The following ZNF592 variants were observed in gnomAD, a reference collection of about 807,000 sequenced individuals.
The protein encoded by ZNF592 is zinc finger protein 592.
A neutral mutation model predicts 80.3 loss-of-function variants in ZNF592; 11 were observed. The ratio of observed to expected loss-of-function variants is 0.14; its 90% CI spans 0.09 to 0.23. The LOEUF is 0.23. Ranked by LOEUF, ZNF592 falls within the 10% of genes least tolerant of loss-of-function variation. The pLI is 1.00. For missense variants in ZNF592, 1,420 were observed against 1,633.9 expected, an observed-to-expected ratio of 0.87 and a Z score of 2.26; for synonymous variants, 646 against 640.3, an observed-to-expected ratio of 1.01 and a Z score of -0.13.
chr15:84,753,176 T>C (rs1899062488), intron 1 of ZNF592: 1 of 152,200 alleles, frequency 6.6e-6, no homozygotes, highest in Non-Finnish European at 1.5e-5. Context: ...GGACGAGTAA[T>C]AGAAATAAAA....
intron 1 of ZNF592, among the ~76,000 whole-genome samples, chr15:84,761,594 C>T (rs1899352738): frequency 6.6e-6 from 1 of 152,110 alleles, no homozygotes; most frequent in South Asian, 2.1e-4. Context: ...AAGGGTCATC[C>T]TCAGGTTGCT....
chr15:84,784,916 A>G lies in ZNF592; in HGVS notation c.2220+21A>G, dbSNP rs1488994901. On this transcript the variant is annotated intron_variant, in intron 4 of 10. Transcript: ENST00000560079. The surrounding 1 kb of genome is among the most constrained non-coding windows in gnomAD (Gnocchi z 5.8). ...GGCTGGTAAGCAGACCCTCACTGTT[A>G]CGGGTATCGGGCCCCTGGCTCACAC... 1.2e-6 allele frequency: 2 copies of G among 1,613,956 alleles called. No homozygotes were observed. The highest frequency in any genetic ancestry group is 4.5e-5 in the East Asian group (2 of 44,872).
At position 84,784,378 on chromosome 15, in the gene ZNF592, A is replaced by G. The variant is rs1658425697; in HGVS notation, c.1703A>G (p.Tyr568Cys). Reference protein sequence around the residue: ...VLHSSNPVPLYAPNLSPPADS... With the variant: ...VLHSSNPVPLCAPNLSPPADS... ...CACAGCTCCAACCCCGTGCCCCTCT[A>G]TGCGCCAAATCTCAGCCCGCCTGCG... The change falls in exon 4 of 11, where the codon TAT (tyrosine) becomes TGT (cysteine). Residue 568 changes from tyrosine to cysteine, a missense_variant. By Grantham distance (194) the Tyr-to-Cys change is radical. Transcript: ENST00000560079. This position sits in a 1 kb window ranked among gnomAD's most constrained non-coding sequence, Gnocchi z 5.8. 1.9e-6 allele frequency: 3 copies of G among 1,614,012 alleles called. No individual in the cohort carries two copies. The highest frequency in any genetic ancestry group is 2.2e-5 in the East Asian group (1 of 44,892).
chr15:84,773,296 C>T (rs1962142688), intron 2 of ZNF592, among the ~76,000 whole-genome samples: 1 of 150,832 alleles, frequency 6.6e-6, no homozygotes, highest in South Asian at 2.1e-4. Context: ...ACTGCAAGCT[C>T]CGCCTCCCGG....
At chr15:84,752,059 C>G (rs1166278125) in intron 1 of ZNF592, among the ~76,000 whole-genome samples, 6 of 152,108 alleles carry the variant, frequency 3.9e-5, no homozygotes, top group Non-Finnish European at 7.3e-5. Context: ...ACCAGTCAGG[C>G]CTTTGGTTTT....
chr15:84,801,895 G>T lies in ZNF592; in HGVS notation c.3306G>T (p.Val1102=). 1 of 1,613,878 alleles carries T rather than the reference G, an allele frequency of 6.2e-7. No homozygotes were observed. The highest frequency in any genetic ancestry group is 8.5e-7 in the Non-Finnish European group (1 of 1,179,830). ...ATCTGAAAAGACCAGTCAGTGGAGT[G>T]GGGGACGCTCCAGGCACCAGCAATG... ...VNHLKRPVSG[V]GDAPGTSNGA... is the part of the protein sequence containing the mutation. Residue 1102 remains valine (V), a synonymous_variant, in exon 11 of 11, where the codon GTG becomes GTT. Coordinates refer to ENST00000560079, the MANE Select transcript of ZNF592 (RefSeq NM_014630.3).
intron 4 of ZNF592, among the ~76,000 whole-genome samples, chr15:84,789,420 C>T (rs1462285424): frequency 2.0e-5 from 3 of 151,930 alleles, no homozygotes; most frequent in Admixed American, 1.3e-4. Flanking sequence ...TCTTTGAGAC[C>T]TTGCTTTTAA....
At chr15:84,756,096 T>C (rs1899161774) in intron 1 of ZNF592, among the ~76,000 whole-genome samples, 1 of 152,192 alleles carries the variant, frequency 6.6e-6, no homozygotes, top group Non-Finnish European at 1.5e-5. Flanking sequence ...CTAGAGGCCT[T>C]GATGTTACAA....
chr15:84,775,722 G>A (rs1232221689), intron 2 of ZNF592, among the ~76,000 whole-genome samples: 2 of 152,212 alleles, frequency 1.3e-5, no homozygotes, highest in East Asian at 1.9e-4. Flanking sequence ...GAGCCACTGC[G>A]CCCGGCCGAA....
chr15:84,762,883 C>T (rs1000440262), intron 1 of ZNF592, among the ~76,000 whole-genome samples: 5 of 152,120 alleles, frequency 3.3e-5, no homozygotes, highest in Non-Finnish European at 4.4e-5. Context: ...TCTTTGGCTC[C>T]GATAGTCCTG....
In ZNF592 at chr15:84,782,708, C is replaced by T. The variant is rs1962452085; in HGVS notation, c.33C>T (p.Asp11=). The change falls in exon 4 of 11, where the codon GAC becomes GAT. Residue 11 remains aspartate (D), a synonymous_variant. Transcript: ENST00000560079. ...ATATGAAAACCCCAGATTTTGATGA[C>T]CTTCTGGCTGCCTTTGACATCCCAG... MGDMKTPDFD[D]LLAAFDIPDP... is the part of the protein sequence containing the mutation. 6.2e-7 allele frequency: 1 copy of T among 1,613,982 alleles called. No homozygotes were observed. Among genetic ancestry groups the T allele is most frequent in the Admixed American group, 1.7e-5 (1 of 59,998 alleles).
chr15:84,765,135 A>G (rs1382177002), intron 2 of ZNF592, among the ~76,000 whole-genome samples: 4 of 151,756 alleles, frequency 2.6e-5, no homozygotes, highest in Non-Finnish European at 1.5e-5. Flanking sequence ...GAATTTGCCT[A>G]CTCTAGGGAC....
At position 84,783,017 on chromosome 15, in the gene ZNF592, T is replaced by A; in HGVS notation, c.342T>A (p.Phe114Leu). The A allele has an allele frequency of 6.2e-7, 1 of 1,614,190 alleles. No homozygotes were observed. Among genetic ancestry groups the A allele is most frequent in the Non-Finnish European group, 8.5e-7 (1 of 1,180,042 alleles). ...ACTGTGGGAAATTTGATTCTACTTT[T>A]ATGAATGGAGACAGTGCCAGGAGTT... ...PHNCGKFDST[F>L]MNGDSARSFP... The change falls in exon 4 of 11, where the codon TTT (phenylalanine) becomes TTA (leucine). Residue 114 changes from phenylalanine (F) to leucine (L), a missense_variant. This residue lies in a region of ZNF592 where 373 missense variants were observed against 355.5 expected (regional missense o/e 1.05). Coordinates refer to ENST00000560079, the MANE Select transcript of ZNF592 (RefSeq NM_014630.3). This position sits in a 1 kb window ranked among gnomAD's most constrained non-coding sequence, Gnocchi z 5.0.
In ZNF592 at chr15:84,803,946, T is replaced by C. The variant is rs961985783; in HGVS notation, c.*1553T>C. ...GTGCTGGCCGGGTGCTTAGAGGTCA[T>C]CTTTCAAGGAGGCATTAAATATCAA... On this transcript the variant is annotated 3_prime_UTR_variant, in exon 11 of 11. Coordinates refer to ENST00000560079, the MANE Select transcript of ZNF592 (RefSeq NM_014630.3). The C allele has an allele frequency of 3.3e-5, 5 of 152,362 alleles. No individual in the cohort carries two copies. Among genetic ancestry groups the C allele is most frequent in the African/African-American group, 1.2e-4 (5 of 41,578 alleles). 9.4% of individuals were successfully genotyped at this position (152,362 alleles called of 1,614,324 possible).
rs186188186 is a variant in ZNF592 at position 84,798,029 on chromosome 15, C to A, written c.2560C>A (p.Pro854Thr). 63 of 1,613,942 alleles carry A rather than the reference C, an allele frequency of 3.9e-5. No homozygotes were observed. The highest frequency in any genetic ancestry group is 1.7e-4 in the Middle Eastern group (1 of 6,060). Residue 854 changes from proline (P) to threonine (T), a missense_variant, in exon 6 of 11, where the codon CCC (proline) becomes ACC (threonine). Around this residue, in one of 7 missense-constraint regions of ZNF592, gnomAD observed 331 missense variants for 347.0 expected, o/e 0.95. Coordinates refer to ENST00000560079, the MANE Select transcript of ZNF592 (RefSeq NM_014630.3). This position sits in a 1 kb window ranked among gnomAD's most constrained non-coding sequence, Gnocchi z 4.5. ...DHSATQHPTQ[P>T]HRPSQLIYKC... is the part of the protein sequence containing the mutation. ...CAGTGCCACCCAGCACCCCACCCAG[C>A]CCCACAGACCCTCCCAGTGAGTGCA...
At position 84,784,723 on chromosome 15, in the gene ZNF592, A is replaced by G. The variant is rs763112472; in HGVS notation, c.2048A>G (p.His683Arg). 9 of 1,613,804 alleles carry G rather than the reference A, an allele frequency of 5.6e-6. No individual in the cohort carries two copies. The highest frequency in any genetic ancestry group is 1.7e-5 in the Admixed American group (1 of 59,970). The change falls in exon 4 of 11, where the codon CAT becomes CGT. Residue 683 changes from histidine (H) to arginine (R), a missense_variant. By Grantham distance (29) the His-to-Arg change is conservative. Transcript: ENST00000560079. The surrounding 1 kb of genome is among the most constrained non-coding windows in gnomAD (Gnocchi z 5.8). ...CCAGCCCCTTCATCCTCTCCCAAAC[A>G]TGGCCTCACTTCGGGCAGTGCCAGT... ...AAPAPSSSPK[H>R]GLTSGSASPP...
rs1342510896 is a variant in ZNF592 at position 84,782,816 on chromosome 15, T to C, written c.141T>C (p.Cys47=). 1 of 1,614,072 alleles carries C rather than the reference T, an allele frequency of 6.2e-7. No individual in the cohort carries two copies. Among genetic ancestry groups the C allele is most frequent in the South Asian group, 1.1e-5 (1 of 91,074 alleles). The change falls in exon 4 of 11, where the codon TGT becomes TGC. Residue 47 remains cysteine (C), a synonymous_variant. Transcript: ENST00000560079. ...GTCCCCTCAAACCTCCAGGCATATGTATGGATGAAAGTGTGTCCTTGTCTC... is the reference window on the plus strand; with the variant it reads ...GTCCCCTCAAACCTCCAGGCATATGCATGGATGAAAGTGTGTCCTTGTCTC... The part of the protein sequence containing the change: ...NESPLKPPGI[C]MDESVSLSHS...
intron 4 of ZNF592, among the ~76,000 whole-genome samples, chr15:84,785,338 G>A (rs1962560176): frequency 6.6e-6 from 1 of 151,210 alleles, no homozygotes; most frequent in South Asian, 2.1e-4. Context: ...TTGAGACGGA[G>A]TCTCACTCTG....
rs768712361 is a variant in ZNF592, at chr15:84,783,382, G to A, written c.707G>A (p.Arg236Gln). The A allele has an allele frequency of 6.2e-6, 10 of 1,614,092 alleles. No homozygotes were observed. Among genetic ancestry groups the A allele is most frequent in the African/African-American group, 1.3e-5 (1 of 74,938 alleles). The change falls in exon 4 of 11, where the codon CGA becomes CAA. Residue 236 changes from arginine (R) to glutamine (Q), a missense_variant. Arg to Gln is a conservative substitution (Grantham distance 43). Coordinates refer to ENST00000560079, the MANE Select transcript of ZNF592 (RefSeq NM_014630.3). This position sits in a 1 kb window ranked among gnomAD's most constrained non-coding sequence, Gnocchi z 5.0. ...CCTCACAAGGATCCGGATGCCACTC[G>A]ATTCTTCGGGGAAGCTTTGGAGTTC... ...VEPHKDPDAT[R>Q]FFGEALEFNS...
Sources: gnomAD v4.1 joint callset for allele counts (sites outside exome capture counted in the v4.1 genomes callset) on GRCh38, gnomAD v4.1.1 for gene constraint, gnomAD v4.1.1 regional missense constraint, Gnocchi (gnomAD v3.1) non-coding constraint, MANE v1.5 for transcripts, NCBI Gene and HGNC (gene_info 2026-07-23, HGNC 2026-07-21) for gene names.